The following ANKFN1 variants were observed in gnomAD, a reference collection of about 807,000 sequenced individuals.
ANKFN1 encodes ankyrin repeat and fibronectin type III domain containing 1, also known as ankyrin repeat and fibronectin type-III domain-containing protein 1.
A neutral mutation model predicts 108.7 loss-of-function variants in ANKFN1; 74 were observed. The ratio of observed to expected loss-of-function variants is 0.68; its 90% CI spans 0.56 to 0.83. The LOEUF is 0.83. Among genes scored for constraint, ANKFN1 ranks in the 40% least tolerant of loss-of-function variants. ANKFN1 has a pLI of 0.00. For synonymous variants in ANKFN1, 547 were observed against 516.2 expected (o/e 1.06, Z -0.81); for missense variants, 1,505 against 1,382.3 (o/e 1.09, Z -1.41).
At chr17:56,423,448 T>C (rs2048470227) in intron 8 of ANKFN1, among the ~76,000 whole-genome samples, 1 of 152,196 alleles carries the variant, frequency 6.6e-6, no homozygotes, top group Non-Finnish European at 1.5e-5. Context: ...ACACCAACAC[T>C]GGTCATCAAA....
chr17:56,277,648 A>G (rs1178959154), intron 3 of ANKFN1, among the ~76,000 whole-genome samples: 2 of 152,216 alleles, frequency 1.3e-5, no homozygotes, highest in African/African-American at 2.4e-5. Context: ...CCAGAATCAA[A>G]CCCAAATATG....
At chr17:56,433,225 G>A (rs1252168001) in intron 8 of ANKFN1, among the ~76,000 whole-genome samples, 1 of 152,042 alleles carries the variant, frequency 6.6e-6, no homozygotes, top group African/African-American at 2.4e-5. Flanking sequence ...AATGGTGGCT[G>A]CAATTAATGG....
chr17:56,223,826 G>A (rs1916057508), intron 2 of ANKFN1, among the ~76,000 whole-genome samples: 1 of 152,144 alleles, frequency 6.6e-6, no homozygotes, highest in African/African-American at 2.4e-5. Context: ...ACTTAATGAA[G>A]ACAACATAAC....
intron 3 of ANKFN1, among the ~76,000 whole-genome samples, chr17:56,274,103 A>G (rs1205356268): frequency 6.6e-6 from 1 of 152,188 alleles, no homozygotes; most frequent in Non-Finnish European, 1.5e-5. Context: ...GTCACATACA[A>G]GGGCATCCAA....
intron 1 of ANKFN1, among the ~76,000 whole-genome samples, chr17:56,174,849 T>C (rs1299179270): frequency 1.3e-5 from 2 of 152,170 alleles, no homozygotes; most frequent in African/African-American, 4.8e-5. Context: ...AGCTTAACCC[T>C]GGGGATTTGA....
chr17:56,235,244 T>C (rs150373830), intron 3 of ANKFN1, among the ~76,000 whole-genome samples: 19 of 152,360 alleles, frequency 1.2e-4, no homozygotes, highest in African/African-American at 4.3e-4. Context: ...TTACAGATGC[T>C]GGATATTAGA....
chr17:56,407,174 G>A (rs1408779257), intron 8 of ANKFN1, among the ~76,000 whole-genome samples: 2 of 152,156 alleles, frequency 1.3e-5, no homozygotes, highest in African/African-American at 2.4e-5. Context: ...TTTTACCAGA[G>A]TAAACAAAAT....
At chr17:56,479,238 C>T (rs781191241) in intron 16 of ANKFN1, among the ~76,000 whole-genome samples, 1 of 152,184 alleles carries the variant, frequency 6.6e-6, no homozygotes, top group Non-Finnish European at 1.5e-5. Context: ...AGTTCCATCT[C>T]CTTCATCCTT....
At chr17:56,055,115 A>G (rs993916078) in intron 4 of ANKFN1, among the ~76,000 whole-genome samples, 4 of 150,456 alleles carry the variant, frequency 2.7e-5, no homozygotes, top group Non-Finnish European at 5.9e-5. Flanking sequence ...TGTTTATTAC[A>G]TGGATATATT....
At chr17:56,137,483 G>A (rs1598127595) in intron 4 of ANKFN1, among the ~76,000 whole-genome samples, 1 of 152,220 alleles carries the variant, frequency 6.6e-6, no homozygotes, top group Non-Finnish European at 1.5e-5. Flanking sequence ...AGCCTTTCTT[G>A]CTTGACAGTG....
At chr17:56,443,028 T>C in intron 10 of ANKFN1, 95 bp downstream of exon 10, 1 of 1,211,798 alleles carries the variant, frequency 8.3e-7, no homozygotes, top group Non-Finnish European at 1.2e-6. Flanking sequence ...CCCCCACTGC[T>C]TGCAACCCAT....
At chr17:56,435,502 A>C (rs1410303082) in intron 8 of ANKFN1, among the ~76,000 whole-genome samples, 2 of 152,202 alleles carry the variant, frequency 1.3e-5, no homozygotes, top group Non-Finnish European at 2.9e-5. Flanking sequence ...TGTTTGAATA[A>C]AAGGATAGAA....
At chr17:56,437,120 T>C (rs1010357841) in intron 8 of ANKFN1, among the ~76,000 whole-genome samples, 1 of 152,208 alleles carries the variant, frequency 6.6e-6, no homozygotes, top group African/African-American at 2.4e-5. Context: ...TAAAATCTAA[T>C]TAGACTTAAC....
At chr17:56,280,454 A>G (rs1367215818) in intron 3 of ANKFN1, among the ~76,000 whole-genome samples, 2 of 152,062 alleles carry the variant, frequency 1.3e-5, no homozygotes, top group Non-Finnish European at 2.9e-5. Context: ...CACCAGAATG[A>G]CCCTGCTCTT....
intron 3 of ANKFN1, among the ~76,000 whole-genome samples, chr17:56,323,773 T>G (rs2045439444): frequency 6.6e-6 from 1 of 152,226 alleles, no homozygotes; most frequent in African/African-American, 2.4e-5. Flanking sequence ...ATTGAATGCC[T>G]TCTATGTGCC....
intron 3 of ANKFN1, 57 bp downstream of exon 3, chr17:56,228,014 C>T: frequency 6.8e-7 from 1 of 1,462,596 alleles, no homozygotes; most frequent in Non-Finnish European, 9.4e-7. Flanking sequence ...TTCCTAAAGC[C>T]TCCTAATCTT....
chr17:56,417,364 A>C (rs1451170053), intron 8 of ANKFN1, among the ~76,000 whole-genome samples: 1 of 152,158 alleles, frequency 6.6e-6, no homozygotes, highest in East Asian at 1.9e-4. Context: ...TACCCACAAA[A>C]GTTTTTTAAA....
chr17:56,158,667 G>A (rs1392002845), intron 1 of ANKFN1, among the ~76,000 whole-genome samples: 1 of 152,156 alleles, frequency 6.6e-6, no homozygotes, highest in Non-Finnish European at 1.5e-5. Context: ...ATGTGGGGAG[G>A]GAGGGGATGT....
At position 56,391,719 on chromosome 17, in the gene ANKFN1, C is replaced by T. The variant is rs181242450; in HGVS notation, c.910+17005C>T. On this transcript the variant is annotated intron_variant, in intron 8 of 20. Coordinates refer to ENST00000682825, the MANE Select transcript of ANKFN1 (RefSeq NM_001370326.1). ...GGGATTACAGGCGTGAGCCACCGCG[C>T]CTGACCAAGAATACATAATTTTTAA... Among the ~76,000 whole-genome samples, 501 of 152,144 alleles carry T rather than the reference C, an allele frequency of 3.3e-3. 2 individuals are homozygous for T. The highest frequency in any genetic ancestry group is 7.9e-3 in the South Asian group (38 of 4,808).
Sources: allele counts gnomAD v4.1 joint callset (sites outside exome capture counted in the v4.1 genomes callset), GRCh38; gene constraint gnomAD v4.1.1; transcripts MANE v1.5; gene names NCBI Gene and HGNC (gene_info 2026-07-23, HGNC 2026-07-21).